LRRIQ3: variants seen among roughly 807,000 people sequenced by gnomAD.
The protein encoded by LRRIQ3 is leucine rich repeats and IQ motif containing 3.
In LRRIQ3, 75 loss-of-function variants were observed where a neutral mutation model predicts 59.3. The observed-to-expected ratio is 1.26, with a 90% CI of 1.05 to 1.53. The LOEUF (loss-of-function observed/expected upper bound fraction) is 1.53. LRRIQ3 is among the 40% of genes most tolerant of loss of function. The pLI, the probability that LRRIQ3 is intolerant of heterozygous loss-of-function variation, is 0.00. For missense variants in LRRIQ3, 831 were observed against 710.0 expected, an observed-to-expected ratio of 1.17 and a Z score of -1.94; for synonymous variants, 250 against 231.3, an observed-to-expected ratio of 1.08 and a Z score of -0.73.
intron 6 of LRRIQ3, among the ~76,000 whole-genome samples, chr1:74,052,184 G>A (rs976843623): frequency 1.3e-5 from 2 of 151,966 alleles, no homozygotes; most frequent in African/African-American, 4.8e-5. Context: ...CCAGGACCGC[G>A]CTGACTACAT....
At chr1:74,067,961 CTT>C (rs1654914127) in intron 6 of LRRIQ3, among the ~76,000 whole-genome samples, 1 of 152,042 alleles carries the variant, frequency 6.6e-6, no homozygotes, top group African/African-American at 2.4e-5. Flanking sequence ...TATAAGGTAA[CTT>C]GCCAAACATA....
At chr1:74,157,059 G>T (rs112712628) in intron 3 of LRRIQ3, among the ~76,000 whole-genome samples, 1 of 150,882 alleles carries the variant, frequency 6.6e-6, no homozygotes, top group Non-Finnish European at 1.5e-5. Flanking sequence ...TGCCGCTTCC[G>T]ATTTATACTT....
chr1:74,100,783 A>C (rs1287642133), intron 5 of LRRIQ3, among the ~76,000 whole-genome samples: 1 of 152,184 alleles, frequency 6.6e-6, no homozygotes, highest in Admixed American at 6.6e-5. Flanking sequence ...ATCTTTGACA[A>C]ACCTGACAAA....
At chr1:74,161,996 G>C (rs952359778) in intron 3 of LRRIQ3, among the ~76,000 whole-genome samples, 5 of 151,756 alleles carry the variant, frequency 3.3e-5, no homozygotes, top group Non-Finnish European at 7.4e-5. Flanking sequence ...AACTACATTT[G>C]TTTAAATCTT....
At chr1:74,157,260 C>A (rs1445656326) in intron 3 of LRRIQ3, among the ~76,000 whole-genome samples, 2 of 151,418 alleles carry the variant, frequency 1.3e-5, no homozygotes, top group African/African-American at 4.9e-5. Context: ...TCAATTAACT[C>A]CCCTCCATTC....
chr1:74,109,351 T>C (rs949008726), intron 5 of LRRIQ3, 43 bp downstream of exon 5: 14 of 1,299,580 alleles, frequency 1.1e-5, no homozygotes, highest in Admixed American at 2.3e-5. Context: ...CTTTAATATC[T>C]TAAATACATT....
chr1:74,132,241 A>C (rs1274766114), intron 4 of LRRIQ3, among the ~76,000 whole-genome samples: 1 of 152,208 alleles, frequency 6.6e-6, no homozygotes, highest in Non-Finnish European at 1.5e-5. Flanking sequence ...AACAAATGGA[A>C]GAACATTCCA....
chr1:74,093,309 TAGG>T (rs1341899772), intron 5 of LRRIQ3, among the ~76,000 whole-genome samples: 7 of 152,022 alleles, frequency 4.6e-5, no homozygotes, highest in Admixed American at 3.9e-4. Context: ...AGGGAAAATA[TAGG>T]AGATTTTTCC....
intron 4 of LRRIQ3, among the ~76,000 whole-genome samples, chr1:74,116,337 A>G (rs753046125): frequency 8.5e-5 from 13 of 152,088 alleles, no homozygotes; most frequent in Non-Finnish European, 1.9e-4. Flanking sequence ...AAAGAATACT[A>G]TCATGGCTTG....
At chr1:74,054,652 G>A (rs1346713720) in intron 6 of LRRIQ3, among the ~76,000 whole-genome samples, 2 of 150,268 alleles carry the variant, frequency 1.3e-5, no homozygotes, top group Non-Finnish European at 3.0e-5. Flanking sequence ...AGACTGTTAT[G>A]GAAAAATCTC....
chr1:74,037,990 T>C (rs1653923697), intron 7 of LRRIQ3, among the ~76,000 whole-genome samples: 1 of 152,138 alleles, frequency 6.6e-6, no homozygotes, highest in Non-Finnish European at 1.5e-5. Context: ...GCCTAATGTC[T>C]AAGCTGCCTG....
chr1:74,121,260 TATC>T (rs1646851584), intron 4 of LRRIQ3, among the ~76,000 whole-genome samples: 1 of 152,176 alleles, frequency 6.6e-6, no homozygotes. Context: ...ATTTGCTAGA[TATC>T]ATTCTTATTT....
rs12723267 is a variant in LRRIQ3 at position 74,149,559 on chromosome 1, G to A, written c.707+6174C>T. On this transcript the variant is annotated intron_variant, in intron 4 of 7. Coordinates refer to ENST00000354431, the MANE Select transcript of LRRIQ3 (RefSeq NM_001105659.2). Reference sequence around the variant, plus strand: ...TACTCTTTGCTTTATCAGTCTTGCTGGAGTACTACCAATTTCTCTCCACAA... The same window carrying A: ...TACTCTTTGCTTTATCAGTCTTGCTAGAGTACTACCAATTTCTCTCCACAA... Among the ~76,000 whole-genome samples, 258 of 152,118 alleles carry A rather than the reference G, an allele frequency of 1.7e-3. 1 individual carries two copies. The highest frequency in any genetic ancestry group is 2.8e-3 in the Non-Finnish European group (187 of 67,978).
chr1:74,069,511 T>A (rs1654960922), intron 6 of LRRIQ3, among the ~76,000 whole-genome samples: 1 of 152,002 alleles, frequency 6.6e-6, no homozygotes, highest in African/African-American at 2.4e-5. Context: ...ATAAGCATTA[T>A]AAAATGAAGC....
chr1:74,187,946 T>C (rs563297522), intron 1 of LRRIQ3, among the ~76,000 whole-genome samples: 10 of 152,116 alleles, frequency 6.6e-5, no homozygotes, highest in Admixed American at 5.2e-4. Flanking sequence ...ATAAAAATTG[T>C]TCTATTATAA....
chr1:74,191,866 T>C (rs996253531), intron 1 of LRRIQ3, among the ~76,000 whole-genome samples: 13 of 152,112 alleles, frequency 8.5e-5, no homozygotes, highest in African/African-American at 3.1e-4. Context: ...CTGCCATTTC[T>C]AGAACTTGAA....
intron 5 of LRRIQ3, among the ~76,000 whole-genome samples, chr1:74,091,444 T>C (rs185376792): frequency 9.2e-5 from 14 of 152,258 alleles, no homozygotes; most frequent in Admixed American, 6.5e-4. Flanking sequence ...GTTACTCTGC[T>C]TATTATTTTT....
chr1:74,103,724 T>C (rs756801198), intron 5 of LRRIQ3, among the ~76,000 whole-genome samples: 14 of 151,878 alleles, frequency 9.2e-5, no homozygotes, highest in Non-Finnish European at 1.5e-4. Context: ...AAAAAGAAGA[T>C]GAGTAGTAGC....
intron 3 of LRRIQ3, among the ~76,000 whole-genome samples, chr1:74,167,971 T>C (rs1649091909): frequency 6.6e-6 from 1 of 152,010 alleles, no homozygotes; most frequent in Non-Finnish European, 1.5e-5. Context: ...TTGATATTTG[T>C]TTTAGGGATA....
Sources: gnomAD v4.1 joint callset for allele counts (sites outside exome capture counted in the v4.1 genomes callset) on GRCh38, gnomAD v4.1.1 for gene constraint, MANE v1.5 for transcripts, NCBI Gene and HGNC (gene_info 2026-07-23, HGNC 2026-07-21) for gene names.